FAF1: variants seen among roughly 807,000 people sequenced by gnomAD.
FAF1 encodes Fas associated factor 1, also known as FAS-associated factor 1.
In FAF1, 25 loss-of-function variants were observed where a neutral mutation model predicts 92.5. The ratio of observed to expected loss-of-function variants is 0.27; its 90% CI spans 0.20 to 0.38. FAF1 has a LOEUF of 0.38. Among genes scored for constraint, FAF1 ranks in the 10% least tolerant of loss-of-function variants. The pLI, the probability that FAF1 is intolerant of heterozygous loss-of-function variation, is 1.00. For missense variants in FAF1, 636 were observed against 793.3 expected (o/e 0.80, Z 2.38); for synonymous variants, 234 against 273.2 (o/e 0.86, Z 1.42).
intron 1 of FAF1, among the ~76,000 whole-genome samples, chr1:50,921,658 G>A (rs1361820873): frequency 1.3e-5 from 2 of 151,966 alleles, no homozygotes; most frequent in Non-Finnish European, 2.9e-5. Context: ...AGTACATGGA[G>A]TAGTCCTAGC....
chr1:50,687,197 A>G (rs1467331137), intron 7 of FAF1, among the ~76,000 whole-genome samples: 2 of 152,146 alleles, frequency 1.3e-5, no homozygotes, highest in Non-Finnish European at 2.9e-5. Flanking sequence ...CCTTTTCGGA[A>G]TAATTTTTTA....
chr1:50,487,606 G>C (rs192928316), intron 17 of FAF1, among the ~76,000 whole-genome samples: 4 of 152,108 alleles, frequency 2.6e-5, no homozygotes, highest in Admixed American at 2.0e-4. Flanking sequence ...CCAATGACCA[G>C]ATCAATATAC....
At chr1:50,937,636 T>C (rs1255070295) in intron 1 of FAF1, among the ~76,000 whole-genome samples, 1 of 152,184 alleles carries the variant, frequency 6.6e-6, no homozygotes, top group Non-Finnish European at 1.5e-5. Flanking sequence ...TTTTGCCCTA[T>C]GACATATCTA....
rs377182550 is a variant in FAF1 at position 50,890,438 on chromosome 1, T to C, written c.46-32441A>G. Among the ~76,000 whole-genome samples the C allele has an allele frequency of 8.3e-4, 127 of 152,348 alleles. 1 individual carries two copies. The East Asian group carries it at 0.02, about 24-fold the overall frequency. On this transcript the variant is annotated intron_variant, in intron 1 of 18. Coordinates refer to ENST00000396153, the MANE Select transcript of FAF1 (RefSeq NM_007051.3). Reference sequence around the variant, plus strand: ...GCTGGTGATTTTGCTCGTTAGTTGATGCAGTTTCTTCCTAGCATTGATGGT... The same window carrying C: ...GCTGGTGATTTTGCTCGTTAGTTGACGCAGTTTCTTCCTAGCATTGATGGT...
chr1:50,638,272 C>T (rs1654154237), intron 8 of FAF1, among the ~76,000 whole-genome samples: 1 of 151,800 alleles, frequency 6.6e-6, no homozygotes, highest in South Asian at 2.1e-4. Context: ...AGTTTTATTT[C>T]CTCCTTTCTA....
intron 8 of FAF1, among the ~76,000 whole-genome samples, chr1:50,643,564 T>C (rs989955654): frequency 6.6e-6 from 1 of 152,160 alleles, no homozygotes; most frequent in Non-Finnish European, 1.5e-5. Flanking sequence ...ATTATTTATC[T>C]CTAGAAGTGT....
chr1:50,641,464 T>A (rs1420036233), intron 8 of FAF1, among the ~76,000 whole-genome samples: 1 of 152,206 alleles, frequency 6.6e-6, no homozygotes, highest in African/African-American at 2.4e-5. Flanking sequence ...AAATAGTATG[T>A]TTTTTATTTC....
intron 4 of FAF1, among the ~76,000 whole-genome samples, chr1:50,769,294 A>C (rs1660692404): frequency 6.6e-6 from 1 of 152,216 alleles, no homozygotes; most frequent in African/African-American, 2.4e-5. Context: ...AAATTGAATG[A>C]ATAATAAAAA....
At chr1:50,754,807 A>C (rs1660009984) in intron 4 of FAF1, among the ~76,000 whole-genome samples, 1 of 152,158 alleles carries the variant, frequency 6.6e-6, no homozygotes, top group Admixed American at 6.5e-5. Flanking sequence ...TCATGGTGGA[A>C]GGCAAGGAGG....
chr1:50,599,242 A>G (rs905514356), intron 8 of FAF1, among the ~76,000 whole-genome samples: 1 of 152,116 alleles, frequency 6.6e-6, no homozygotes, highest in Non-Finnish European at 1.5e-5. Flanking sequence ...CCTCCGAAGC[A>G]GCTGGGATTA....
chr1:50,844,062 G>A (rs1046875018), intron 2 of FAF1, among the ~76,000 whole-genome samples: 1 of 151,952 alleles, frequency 6.6e-6, no homozygotes, highest in Admixed American at 6.6e-5. Context: ...CTTTTTTATA[G>A]TAGCCACTTT....
chr1:50,696,224 T>TA (rs556710007), intron 7 of FAF1, among the ~76,000 whole-genome samples: 46 of 152,152 alleles, frequency 3.0e-4, no homozygotes, highest in African/African-American at 1.1e-3. Flanking sequence ...CCAAAATACA[T>TA]AAAAAATAAG....
In FAF1 at chr1:50,441,500, T is replaced by C; in HGVS notation, c.1893A>G (p.Lys631=). The change falls in exon 19 of 19, where the codon AAA becomes AAG. Residue 631 remains lysine (K), a synonymous_variant. Coordinates refer to ENST00000396153, the MANE Select transcript of FAF1 (RefSeq NM_007051.3). Reference sequence around the variant, plus strand: ...GGAACAACTTTACCTCCAATAATGATTTATTTGGGTCCAGTTGAGTTACCT... The same window carrying C: ...GGAACAACTTTACCTCCAATAATGACTTATTTGGGTCCAGTTGAGTTACCT... ...RRDVTQLDPN[K]SLLEVKLFPQ... is the part of the protein sequence containing the mutation. 6.5e-7 allele frequency: 1 copy of C among 1,544,694 alleles called. No homozygotes were observed.
Position 50,676,463 on chromosome 1 carries a change from G to GT in FAF1, c.658-20936dup, listed in dbSNP as rs1450852765. ...ACTAATTTATTTGCCACTTATTTCA[G>GT]TAAAAAAAAAGAAAAATGTAAATAT... On this transcript the variant is annotated intron_variant, in intron 7 of 18. Coordinates refer to ENST00000396153, the MANE Select transcript of FAF1 (RefSeq NM_007051.3). 2.6e-5 allele frequency among the ~76,000 whole-genome samples: 4 copies of GT among 151,196 alleles called. No homozygotes were observed. In the East Asian group the frequency reaches 7.8e-4, roughly 29 times the overall value.
At chr1:50,485,962 T>C (rs1411278833) in intron 17 of FAF1, among the ~76,000 whole-genome samples, 3 of 152,110 alleles carry the variant, frequency 2.0e-5, no homozygotes, top group Non-Finnish European at 4.4e-5. Flanking sequence ...GCTCCCATGA[T>C]CCAATCACTT....
At chr1:50,548,173 T>C (rs569596638) in intron 13 of FAF1, among the ~76,000 whole-genome samples, 4 of 152,290 alleles carry the variant, frequency 2.6e-5, no homozygotes, top group African/African-American at 9.6e-5. Context: ...ACCAAATATA[T>C]GACGAGATAA....
intron 6 of FAF1, among the ~76,000 whole-genome samples, chr1:50,736,768 GAAA>G (rs71578049): frequency 3.0e-4 from 43 of 141,910 alleles, no homozygotes; most frequent in Middle Eastern, 3.6e-3. Context: ...AAGAAAGAAA[GAAA>G]AAAAAAAGAT....
chr1:50,734,372 C>CT (rs1012945449), intron 6 of FAF1, among the ~76,000 whole-genome samples: 2 of 152,140 alleles, frequency 1.3e-5, no homozygotes, highest in African/African-American at 2.4e-5. Context: ...AACCCAATGG[C>CT]TTTTTTAATA....
At chr1:50,562,546 A>G (rs147972280) in intron 13 of FAF1, among the ~76,000 whole-genome samples, 1 of 152,228 alleles carries the variant, frequency 6.6e-6, no homozygotes, top group Non-Finnish European at 1.5e-5. Flanking sequence ...TCTAAATAGA[A>G]AGAGTAAAGT....
Sources: gnomAD v4.1 joint callset for allele counts (sites outside exome capture counted in the v4.1 genomes callset) on GRCh38, gnomAD v4.1.1 for gene constraint, MANE v1.5 for transcripts, NCBI Gene and HGNC (gene_info 2026-07-23, HGNC 2026-07-21) for gene names.